Variants in NREP observed in about 807,000 individuals in gnomAD.
The protein encoded by NREP is neuronal regeneration-related protein.
In NREP, 5 loss-of-function variants were observed where a neutral mutation model predicts 8.6. The observed-to-expected ratio is 0.58, with a 90% CI of 0.30 to 1.22. The LOEUF (loss-of-function observed/expected upper bound fraction) is 1.22, where lower values mean the gene tolerates loss of function less well. NREP is among the 50% of genes most tolerant of loss of function. The pLI, the probability that NREP is intolerant of heterozygous loss-of-function variation, is 0.07. For synonymous variants in NREP, 27 were observed against 28.0 expected, an observed-to-expected ratio of 0.96 and a Z score of 0.11; for missense variants, 86 against 82.5, an observed-to-expected ratio of 1.04 and a Z score of -0.17.
chr5:111,737,859 CT>C (rs142717753), intron 2 of NREP, among the ~76,000 whole-genome samples: 7 of 150,746 alleles, frequency 4.6e-5, no homozygotes, highest in Non-Finnish European at 7.4e-5. Flanking sequence ...CTGACCAAGG[CT>C]TTTTTTTTCA....
intron 2 of NREP, among the ~76,000 whole-genome samples, chr5:111,822,151 A>T (rs1056652250): frequency 2.6e-5 from 4 of 152,162 alleles, no homozygotes; most frequent in African/African-American, 9.7e-5. Flanking sequence ...GAAAACAACT[A>T]AAAAAAGTAG....
rs772230173 is a variant in NREP at position 111,730,999 on chromosome 5, CT to C, written c.128del (p.Glu43GlyfsTer7). ...PKEVNRKKND[E>X]TNAASLTPLG... is the part of the protein sequence containing the mutation. ...GTGGAGTCAGGGAGGCAGCGTTTGTCTCATCGTTCTTCTTGCGGTTCACTTC... is the reference window on the plus strand; with the variant it reads ...GTGGAGTCAGGGAGGCAGCGTTTGTCCATCGTTCTTCTTGCGGTTCACTTC... On this transcript the variant is annotated frameshift_variant, in exon 4 of 4. Coordinates refer to ENST00000257435, the MANE Select transcript of NREP (RefSeq NM_004772.4). LOFTEE classifies it high-confidence loss of function. 2.0e-5 allele frequency: 33 copies of C among 1,613,804 alleles called. No homozygotes were observed. Among genetic ancestry groups the C allele is most frequent in the Non-Finnish European group, 2.5e-5 (29 of 1,179,866 alleles).
intron 2 of NREP, among the ~76,000 whole-genome samples, chr5:111,906,627 A>C (rs1425916510): frequency 6.6e-6 from 1 of 152,080 alleles, no homozygotes; most frequent in Non-Finnish European, 1.5e-5. Context: ...TTAACTGCTC[A>C]CTCTACGGGG....
At chr5:111,902,865 T>TA (rs981361966) in intron 2 of NREP, among the ~76,000 whole-genome samples, 28 of 151,922 alleles carry the variant, frequency 1.8e-4, no homozygotes, top group East Asian at 1.2e-3. Context: ...TTCCTAATCT[T>TA]AAAAAAAATC....
At chr5:111,962,681 T>C (rs1265829702) in intron 2 of NREP, among the ~76,000 whole-genome samples, 1 of 152,162 alleles carries the variant, frequency 6.6e-6, no homozygotes, top group Non-Finnish European at 1.5e-5. Context: ...TGTTGCCTTT[T>C]CCAAAATTAC....
At chr5:111,876,869 A>C (rs1454908967) in intron 2 of NREP, among the ~76,000 whole-genome samples, 1 of 152,226 alleles carries the variant, frequency 6.6e-6, no homozygotes, top group African/African-American at 2.4e-5. Context: ...CTATAAATGA[A>C]GAAATTGGGG....
intron 2 of NREP, among the ~76,000 whole-genome samples, chr5:111,836,422 T>C (rs956649284): frequency 2.0e-5 from 3 of 152,006 alleles, no homozygotes; most frequent in African/African-American, 7.2e-5. Context: ...TGGGGAGAGA[T>C]AGGACCTAAG....
In NREP at chr5:111,776,330, G is replaced by C. The variant is rs185424849; in HGVS notation, c.136-40823C>G. ...TAAGAGTGGGCTAGTTTAAATACAT[G>C]ATGGGAATACTAATGTAATGCTATG... is the stretch of plus-strand genomic sequence containing the variant. On this transcript the variant is annotated intron_variant, in intron 2 of 3. Transcript: ENST00000395634. Among the ~76,000 whole-genome samples, 14 of 152,226 alleles carry C rather than the reference G, an allele frequency of 9.2e-5. No homozygotes were observed. The East Asian group carries it at 1.5e-3, about 17-fold the overall frequency.
At chr5:111,754,983 CG>C (rs1477920306) in intron 2 of NREP, among the ~76,000 whole-genome samples, 1 of 152,136 alleles carries the variant, frequency 6.6e-6, no homozygotes, top group Non-Finnish European at 1.5e-5. Flanking sequence ...CAGTAGGACA[CG>C]CTGTACTTCA....
At chr5:111,951,877 T>C (rs1561364768) in intron 2 of NREP, among the ~76,000 whole-genome samples, 1 of 152,052 alleles carries the variant, frequency 6.6e-6, no homozygotes, top group Non-Finnish European at 1.5e-5. Context: ...CGGGTAATAC[T>C]AGAAATAATA....
chr5:111,880,746 T>C (rs1754034802), intron 2 of NREP, among the ~76,000 whole-genome samples: 1 of 148,328 alleles, frequency 6.7e-6, no homozygotes, highest in Non-Finnish European at 1.5e-5. Flanking sequence ...TTTTTTTTTT[T>C]TTTTTTTTGA....
At chr5:111,975,034 G>A (rs1279184249) in intron 2 of NREP, among the ~76,000 whole-genome samples, 1 of 152,220 alleles carries the variant, frequency 6.6e-6, no homozygotes, top group East Asian at 1.9e-4. Context: ...TGGATGCTAA[G>A]TAAGGATTGC....
chr5:111,756,304 A>AAAAG, intron 1 of NREP: 1 of 891,970 alleles, frequency 1.1e-6, no homozygotes, highest in Non-Finnish European at 1.3e-6. Flanking sequence ...TTTAAAAAAA[A>AAAAG]AAAAAAAACC....
At chr5:111,922,107 C>T (rs976164639) in intron 2 of NREP, among the ~76,000 whole-genome samples, 3 of 152,124 alleles carry the variant, frequency 2.0e-5, no homozygotes, top group Non-Finnish European at 4.4e-5. Flanking sequence ...TTCAAAAGGG[C>T]TTAAACTTAA....
At chr5:111,778,071 A>G (rs1751406455) in intron 2 of NREP, among the ~76,000 whole-genome samples, 1 of 152,192 alleles carries the variant, frequency 6.6e-6, no homozygotes, top group African/African-American at 2.4e-5. Context: ...ACCTGGTGGC[A>G]GAAATCATAG....
Position 111,907,560 on chromosome 5 carries a change from C to A in NREP, c.135+67714G>T, listed in dbSNP as rs1250683411. Among the ~76,000 whole-genome samples the A allele has an allele frequency of 4.6e-5, 7 of 152,150 alleles. No homozygotes were observed. The East Asian group carries it at 1.4e-3, about 29-fold the overall frequency. On this transcript the variant is annotated intron_variant, in intron 2 of 3. Coordinates refer to the NREP transcript ENST00000395634. ...CTACTCGTCTATTCCTTTGCCAATA[C>A]CATATCATCTTGGTTATTATAACTT...
chr5:111,753,339 T>C (rs974244922), intron 2 of NREP, among the ~76,000 whole-genome samples: 26 of 147,160 alleles, frequency 1.8e-4, no homozygotes, highest in Admixed American at 2.7e-4. Flanking sequence ...TTTATATATA[T>C]ATATATATAT....
chr5:111,881,639 G>C (rs773476829), intron 2 of NREP, among the ~76,000 whole-genome samples: 1 of 152,198 alleles, frequency 6.6e-6, no homozygotes, highest in Non-Finnish European at 1.5e-5. Flanking sequence ...AGAACTTCCA[G>C]AGGAACGATC....
chr5:111,931,668 A>T (rs1392920285), intron 2 of NREP, among the ~76,000 whole-genome samples: 3 of 152,170 alleles, frequency 2.0e-5, no homozygotes, highest in Non-Finnish European at 4.4e-5. Context: ...GTTATGCAGC[A>T]GTAGATAACT....
Sources: allele counts gnomAD v4.1 joint callset (sites outside exome capture counted in the v4.1 genomes callset), GRCh38; gene constraint gnomAD v4.1.1; transcripts MANE v1.5; gene names NCBI Gene and HGNC (gene_info 2026-07-23, HGNC 2026-07-21).